The following ZNF33B variants were observed in gnomAD, a reference collection of about 807,000 sequenced individuals.
The protein encoded by ZNF33B is zinc finger protein 33B.
Under a neutral mutation model 45.8 loss-of-function variants are expected in ZNF33B, and 29 were observed. The ratio of observed to expected loss-of-function variants is 0.63; its 90% confidence interval spans 0.47 to 0.86. The LOEUF (loss-of-function observed/expected upper bound fraction) is 0.86, where lower values mean the gene tolerates loss of function less well. Among genes scored for constraint, ZNF33B ranks in the 40% least tolerant of loss-of-function variants. The probability of loss-of-function intolerance (pLI) is 0.00; values close to 1 mark genes in which losing one functional copy is unlikely to be tolerated. For synonymous variants in ZNF33B, 305 were observed against 307.8 expected, an observed-to-expected ratio of 0.99 and a Z score of 0.10; for missense variants, 831 against 909.9, an observed-to-expected ratio of 0.91 and a Z score of 1.12.
rs1837239731 is a variant in ZNF33B, at chr10:42,593,417, T to C, written c.1533A>G (p.Val511=). The C allele has an allele frequency of 6.2e-7, 1 of 1,613,794 alleles. No homozygotes were observed. Among genetic ancestry groups the C allele is most frequent in the Non-Finnish European group, 8.5e-7 (1 of 1,179,972 alleles). ...ACGKTFYHKS[V]LTRHQIIHTG... The stretch of plus-strand genomic sequence containing the variant: ...TATGAATTATCTGATGCCTGGTGAG[T>C]ACTGACTTGTGGTAGAAAGTTTTCC... The change falls in exon 5 of 5, where the codon GTA becomes GTG. Residue 511 remains valine (V), a synonymous_variant. Coordinates refer to ENST00000359467, the MANE Select transcript of ZNF33B (RefSeq NM_006955.3).
intron 4 of ZNF33B, among the ~76,000 whole-genome samples, chr10:42,611,867 C>T (rs1183204902): frequency 6.6e-6 from 1 of 152,192 alleles, no homozygotes; most frequent in Non-Finnish European, 1.5e-5. Context: ...TTAGAATTTT[C>T]TCCTTAGGCA....
intron 4 of ZNF33B, 46 bp from the exon 5 acceptor site, chr10:42,594,745 C>T (rs752210345): frequency 6.6e-7 from 1 of 1,507,336 alleles, no homozygotes; most frequent in African/African-American, 1.4e-5. Context: ...ACCAAAACAT[C>T]TCTTAGGGAA....
At chr10:42,633,582 C>T (rs1335347985) in intron 2 of ZNF33B, among the ~76,000 whole-genome samples, 1 of 152,168 alleles carries the variant, frequency 6.6e-6, no homozygotes, top group Non-Finnish European at 1.5e-5. Flanking sequence ...TGAACAGCTG[C>T]TCAGATACTA....
intron 1 of ZNF33B, chr10:42,579,821 T>G (rs1836799230): frequency 6.5e-6 from 1 of 154,404 alleles, no homozygotes; most frequent in Non-Finnish European, 1.5e-5. Flanking sequence ...AGAGAGCAAC[T>G]GGCCAAAGAA....
intron 1 of ZNF33B, among the ~76,000 whole-genome samples, chr10:42,577,918 C>G (rs1424537461): frequency 5.9e-5 from 9 of 152,160 alleles, no homozygotes; most frequent in Non-Finnish European, 1.2e-4. Context: ...AGGCGGCTGC[C>G]CTGAGGGAGA....
intron 4 of ZNF33B, 81 bp from the exon 5 acceptor site, chr10:42,594,780 T>C (rs1208451930): frequency 7.1e-7 from 1 of 1,416,444 alleles, no homozygotes; most frequent in Non-Finnish European, 9.3e-7. Flanking sequence ...AAATGCCCTA[T>C]GTTGTAGCTG....
rs114076300 is a variant in ZNF33B at position 42,638,056 on chromosome 10, C to G, written c.-45+418G>C. On this transcript the variant is annotated intron_variant, in intron 1 of 4. Transcript: ENST00000359467. Reference sequence around the variant, plus strand: ...TGATGGACATGACTGGAGGGCAGTTCGAAACCTAAAGAGGATGAACGCAGA... The same window carrying G: ...TGATGGACATGACTGGAGGGCAGTTGGAAACCTAAAGAGGATGAACGCAGA... Among the ~76,000 whole-genome samples, 762 of 152,326 alleles carry G rather than the reference C, an allele frequency of 5.0e-3. 6 individuals carry two copies. Among genetic ancestry groups the G allele is most frequent in the African/African-American group, 0.017 (721 of 41,566 alleles).
intron 4 of ZNF33B, among the ~76,000 whole-genome samples, chr10:42,621,514 G>A (rs951853699): frequency 1.4e-4 from 21 of 151,696 alleles, no homozygotes; most frequent in African/African-American, 4.9e-4. Flanking sequence ...AAATGCCTGT[G>A]TGGTTCAACA....
chr10:42,582,952 G>A (rs570844294), intron 1 of ZNF33B: 9 of 577,030 alleles, frequency 1.6e-5, no homozygotes, highest in East Asian at 6.0e-5. Flanking sequence ...TCCACAGCAC[G>A]CCAGTGTTGG....
chr10:42,593,001 G>C lies in ZNF33B; in HGVS notation c.1949C>G (p.Ser650Ter). ...GGTTCTCTGATGTACAATTAGAGCT[G>C]ACTTATGGCAGAAAGCTTTTCCACA... ...NECGKAFCHKSALIVHQRTHT... is the reference protein window; with the variant it reads ...NECGKAFCHK Residue 650 changes from serine to a stop codon, truncating the protein, a stop_gained, in exon 5 of 5, where the codon TCA (serine) becomes TGA (stop). Transcript: ENST00000359467. LOFTEE classifies it high-confidence loss of function. The C allele has an allele frequency of 6.2e-7, 1 of 1,614,032 alleles. No individual in the cohort carries two copies. Among genetic ancestry groups the C allele is most frequent in the Non-Finnish European group, 8.5e-7 (1 of 1,179,974 alleles).
chr10:42,586,288 G>A (rs188431690), downstream of ZNF33B, among the ~76,000 whole-genome samples: 86 of 150,390 alleles, frequency 5.7e-4, no homozygotes, highest in East Asian at 0.014. Context: ...CGAGTAGCTC[G>A]GGCTACAGGT....
chr10:42,622,366 T>C (rs1838627243), intron 4 of ZNF33B, among the ~76,000 whole-genome samples: 1 of 152,166 alleles, frequency 6.6e-6, no homozygotes. Context: ...ATAAGGGCCC[T>C]GAATAGCGAA....
At chr10:42,599,504 CAT>C (rs1837537272) in intron 4 of ZNF33B, among the ~76,000 whole-genome samples, 2 of 149,760 alleles carry the variant, frequency 1.3e-5, no homozygotes, top group African/African-American at 2.5e-5. Flanking sequence ...AATGCATACA[CAT>C]GAAATTCCCT....
At chr10:42,624,964 G>A (rs908531203) in intron 4 of ZNF33B, among the ~76,000 whole-genome samples, 32 of 151,652 alleles carry the variant, frequency 2.1e-4, no homozygotes, top group African/African-American at 7.5e-4. Context: ...CCTTAACACT[G>A]GATACAATAA....
chr10:42,615,512 G>A (rs1383164618), intron 4 of ZNF33B, among the ~76,000 whole-genome samples: 1 of 152,146 alleles, frequency 6.6e-6, no homozygotes, highest in African/African-American at 2.4e-5. Flanking sequence ...ATCCAGATTA[G>A]GCAAATCCAC....
rs1839334606 is a variant in ZNF33B at position 42,636,983 on chromosome 10, A to G, written c.-44-11T>C. On this transcript the variant is annotated splice_polypyrimidine_tract_variant and intron_variant, in intron 1 of 4. Transcript: ENST00000359467. ...ACTCTGAAGATACAGCTGAGTTGGAAAAAGAGGAATGGGGTCATGAAAGAT... is the reference window on the plus strand; with the variant it reads ...ACTCTGAAGATACAGCTGAGTTGGAGAAAGAGGAATGGGGTCATGAAAGAT... 3 of 1,613,676 alleles carry G rather than the reference A, an allele frequency of 1.9e-6. No homozygotes were observed. Among genetic ancestry groups the G allele is most frequent in the Non-Finnish European group, 2.5e-6 (3 of 1,179,816 alleles).
chr10:42,614,756 C>A (rs1838241231), intron 4 of ZNF33B, among the ~76,000 whole-genome samples: 1 of 152,082 alleles, frequency 6.6e-6, no homozygotes, highest in Non-Finnish European at 1.5e-5. Context: ...GAGTTCAAGA[C>A]CAGCCTGGCC....
chr10:42,608,926 C>T lies in ZNF33B; in HGVS notation c.251-14227G>A, dbSNP rs1251003846. 1.2e-4 allele frequency among the ~76,000 whole-genome samples: 17 copies of T among 147,424 alleles called. No homozygotes were observed. The East Asian group carries it at 1.8e-3, about 15-fold the overall frequency. On this transcript the variant is annotated intron_variant, in intron 4 of 4. Coordinates refer to ENST00000359467, the MANE Select transcript of ZNF33B (RefSeq NM_006955.3). ...TCAAATTACTAAATGTAGGGATTAA[C>T]GATGTATTACTAGTACTCTTACAGA...
intron 4 of ZNF33B, 125 bp from the exon 5 acceptor site, chr10:42,594,824 C>T (rs1837329897): frequency 9.1e-7 from 1 of 1,099,854 alleles, no homozygotes; most frequent in East Asian, 2.8e-5. Context: ...CAGAGATGAA[C>T]ATAATTGCAA....
Sources: allele counts gnomAD v4.1 joint callset (sites outside exome capture counted in the v4.1 genomes callset), GRCh38; gene constraint gnomAD v4.1.1; transcripts MANE v1.5; gene names NCBI Gene and HGNC (gene_info 2026-07-23, HGNC 2026-07-21).